KCTD8: variants seen among roughly 807,000 people sequenced by gnomAD.
The protein encoded by KCTD8 is potassium channel tetramerization domain containing 8, also known as BTB/POZ domain-containing protein KCTD8.
In KCTD8, 27 loss-of-function variants were observed where a neutral mutation model predicts 31.5. The observed-to-expected ratio is 0.86, with a 90% CI of 0.63 to 1.18. The LOEUF (loss-of-function observed/expected upper bound fraction) is 1.18, where lower values mean the gene tolerates loss of function less well. Among genes scored for constraint, KCTD8 ranks in the 50% most tolerant of loss-of-function variants. The probability of loss-of-function intolerance (pLI) is 0.00; values close to 1 mark genes in which losing one functional copy is unlikely to be tolerated. For missense variants in KCTD8, 658 were observed against 647.7 expected (o/e 1.02, Z -0.17); for synonymous variants, 290 against 280.0 (o/e 1.04, Z -0.36).
At chr4:44,324,053 A>AAC (rs1553901461) in intron 1 of KCTD8, among the ~76,000 whole-genome samples, 3 of 145,002 alleles carry the variant, frequency 2.1e-5, no homozygotes, top group Admixed American at 6.8e-5. Flanking sequence ...TTAAAAAAAA[A>AAC]AAAACAAAAC....
chr4:44,418,637 T>C (rs1721136559), intron 1 of KCTD8, among the ~76,000 whole-genome samples: 1 of 152,194 alleles, frequency 6.6e-6, no homozygotes, highest in Non-Finnish European at 1.5e-5. Flanking sequence ...GAGCAAATAC[T>C]ACAGTGATTG....
At position 44,313,400 on chromosome 4, in the gene KCTD8, A is replaced by C. The variant is rs550502917; in HGVS notation, c.961+134163T>G. Among the ~76,000 whole-genome samples, 4 of 152,334 alleles carry C rather than the reference A, an allele frequency of 2.6e-5. No homozygotes were observed. The South Asian group carries it at 8.3e-4, about 32-fold the overall frequency. ...AGGCAGTGATGCCCTAAAGTAGGTGAATCACTTGGCCGTGGTAGAGTACCT... is the reference window on the plus strand; with the variant it reads ...AGGCAGTGATGCCCTAAAGTAGGTGCATCACTTGGCCGTGGTAGAGTACCT... On this transcript the variant is annotated intron_variant, in intron 1 of 1. Transcript: ENST00000360029.
At chr4:44,423,803 C>A (rs555733406) in intron 1 of KCTD8, among the ~76,000 whole-genome samples, 99 of 152,236 alleles carry the variant, frequency 6.5e-4, no homozygotes, top group African/African-American at 2.4e-3. Flanking sequence ...CAGATTCATA[C>A]ACTTCCCATT....
rs1477207903 is a variant in KCTD8, at chr4:44,265,677, C to T, written c.962-90427G>A. On this transcript the variant is annotated intron_variant, in intron 1 of 1. Transcript: ENST00000360029. ...GTAGACAAATGTATAACTAGAATAA[C>T]CAATACAGAGAAGTGCTTAAAGGAG... is the stretch of plus-strand genomic sequence containing the variant. Among the ~76,000 whole-genome samples the T allele has an allele frequency of 3.3e-5, 5 of 152,130 alleles. No individual in the cohort carries two copies. In the East Asian group the frequency reaches 5.8e-4, roughly 18 times the overall value.
intron 1 of KCTD8, among the ~76,000 whole-genome samples, chr4:44,416,254 T>C (rs1390664366): frequency 6.6e-6 from 1 of 152,236 alleles, no homozygotes; most frequent in Non-Finnish European, 1.5e-5. Flanking sequence ...GTACTACCAC[T>C]GGATCTTGGA....
intron 1 of KCTD8, among the ~76,000 whole-genome samples, chr4:44,440,601 G>A (rs1055798054): frequency 1.3e-5 from 2 of 152,152 alleles, no homozygotes; most frequent in African/African-American, 4.8e-5. Flanking sequence ...CTCAAATTCA[G>A]TAACAACCTA....
At chr4:44,319,385 T>C (rs759044889) in intron 1 of KCTD8, among the ~76,000 whole-genome samples, 4 of 151,282 alleles carry the variant, frequency 2.6e-5, no homozygotes, top group Non-Finnish European at 4.4e-5. Context: ...GTCTAAAATG[T>C]ATAGCGAAGG....
intron 1 of KCTD8, among the ~76,000 whole-genome samples, chr4:44,439,196 G>A (rs939804232): frequency 6.6e-6 from 1 of 152,078 alleles, no homozygotes; most frequent in Non-Finnish European, 1.5e-5. Context: ...AATATAATAT[G>A]AATCCTATTC....
chr4:44,182,500 A>G (rs28479316), intron 1 of KCTD8, among the ~76,000 whole-genome samples: 74,891 of 151,904 alleles, frequency 0.49, 18,651 homozygotes, highest in African/African-American at 0.56. Context: ...CCAACCATGC[A>G]CTCTCTGAAA....
chr4:44,377,340 GCGC>G (rs1246632123), intron 1 of KCTD8, among the ~76,000 whole-genome samples: 2 of 152,138 alleles, frequency 1.3e-5, no homozygotes, highest in Non-Finnish European at 2.9e-5. Flanking sequence ...TTCCTGAGAA[GCGC>G]CCTTTCTGGG....
chr4:44,373,538 A>G (rs1402538104), intron 1 of KCTD8, among the ~76,000 whole-genome samples: 4 of 152,132 alleles, frequency 2.6e-5, no homozygotes, highest in Non-Finnish European at 5.9e-5. Flanking sequence ...CAGTGTCATT[A>G]TGCAGATAAA....
chr4:44,254,422 G>A (rs942115251), intron 1 of KCTD8, among the ~76,000 whole-genome samples: 1 of 151,848 alleles, frequency 6.6e-6, no homozygotes, highest in Non-Finnish European at 1.5e-5. Flanking sequence ...CAGGCTTGTA[G>A]GAGGCAATCT....
chr4:44,362,910 T>A (rs1377133675), intron 1 of KCTD8, among the ~76,000 whole-genome samples: 1 of 152,098 alleles, frequency 6.6e-6, no homozygotes, highest in East Asian at 1.9e-4. Flanking sequence ...TGTTATGATA[T>A]ATTTATAATA....
At chr4:44,253,640 TC>T in intron 1 of KCTD8, among the ~76,000 whole-genome samples, 1 of 151,850 alleles carries the variant, frequency 6.6e-6, no homozygotes, top group Non-Finnish European at 1.5e-5. Flanking sequence ...TATAGAGAGA[TC>T]CCAGTCTTTC....
At chr4:44,383,867 C>G (rs1220162353) in intron 1 of KCTD8, among the ~76,000 whole-genome samples, 1 of 151,910 alleles carries the variant, frequency 6.6e-6, no homozygotes, top group Non-Finnish European at 1.5e-5. Context: ...AGGAAACAAC[C>G]AACAGAGTGA....
chr4:44,253,060 T>C (rs940453354), intron 1 of KCTD8, among the ~76,000 whole-genome samples: 2 of 151,784 alleles, frequency 1.3e-5, no homozygotes, highest in Admixed American at 6.6e-5. Flanking sequence ...TCCATACATA[T>C]TGTAACTAAG....
intron 1 of KCTD8, among the ~76,000 whole-genome samples, chr4:44,312,774 G>A (rs1274323705): frequency 2.0e-5 from 3 of 152,050 alleles, no homozygotes; most frequent in Admixed American, 2.0e-4. Context: ...TAATCTTCAT[G>A]GGAAAACAAG....
chr4:44,241,721 A>C (rs939924260), intron 1 of KCTD8, among the ~76,000 whole-genome samples: 1 of 152,188 alleles, frequency 6.6e-6, no homozygotes, highest in Non-Finnish European at 1.5e-5. Flanking sequence ...GGTCCCAGTC[A>C]CCCAGTATCT....
chr4:44,341,103 C>T (rs1251351610), intron 1 of KCTD8, among the ~76,000 whole-genome samples: 1 of 151,998 alleles, frequency 6.6e-6, no homozygotes, highest in African/African-American at 2.4e-5. Flanking sequence ...TGTTTGGTTT[C>T]CCAGAAGCAT....
Sources: allele counts gnomAD v4.1 joint callset (sites outside exome capture counted in the v4.1 genomes callset), GRCh38; gene constraint gnomAD v4.1.1; transcripts MANE v1.5; gene names NCBI Gene and HGNC (gene_info 2026-07-23, HGNC 2026-07-21).